The following NEDD4L variants were observed in gnomAD, a reference collection of about 807,000 sequenced individuals.
NEDD4L encodes NEDD4 like E3 ubiquitin protein ligase.
NEDD4L carries 54 observed loss-of-function variants against 148.9 expected under a neutral mutation model. The ratio of observed to expected loss-of-function variants is 0.36; its 90% CI spans 0.29 to 0.45. The LOEUF (loss-of-function observed/expected upper bound fraction) is 0.45, where lower values mean the gene tolerates loss of function less well. NEDD4L is among the 20% of genes least tolerant of loss of function. The probability of loss-of-function intolerance (pLI) is 1.00; values close to 1 mark genes in which losing one functional copy is unlikely to be tolerated. For synonymous variants in NEDD4L, 433 were observed against 440.7 expected, an observed-to-expected ratio of 0.98 and a Z score of 0.22; for missense variants, 856 against 1,233.8, an observed-to-expected ratio of 0.69 and a Z score of 4.59.
Position 58,044,717 on chromosome 18 carries a change from C to T in NEDD4L, c.48+9C>T. ...GACTTTCCGAAGACGAGGTGAGTGG[C>T]ACCCCCTTCCTGCTCGGGACTCCCC... On this transcript the variant is annotated intron_variant, in intron 1 of 30. Transcript: ENST00000400345. 3.7e-6 allele frequency: 6 copies of T among 1,604,736 alleles called. No individual in the cohort carries two copies. Among genetic ancestry groups the T allele is most frequent in the Non-Finnish European group, 5.1e-6 (6 of 1,175,688 alleles).
chr18:58,218,668 C>G (rs905652381), intron 2 of NEDD4L, among the ~76,000 whole-genome samples: 4 of 152,154 alleles, frequency 2.6e-5, no homozygotes, highest in African/African-American at 9.7e-5. Context: ...TTCATCAAAT[C>G]CAGACACATC....
chr18:58,327,894 G>A (rs1396967080), intron 9 of NEDD4L, among the ~76,000 whole-genome samples: 1 of 151,346 alleles, frequency 6.6e-6, no homozygotes, highest in Non-Finnish European at 1.5e-5. Context: ...CCTCTGACTA[G>A]TATTTCCCCC....
chr18:58,240,802 C>T (rs964943882), intron 2 of NEDD4L, among the ~76,000 whole-genome samples: 1 of 137,734 alleles, frequency 7.3e-6, no homozygotes, highest in Non-Finnish European at 1.6e-5. Context: ...AGGATGATGG[C>T]GGCAGCTAAC....
At chr18:58,311,217 A>T (rs575191541) in intron 5 of NEDD4L, among the ~76,000 whole-genome samples, 56 of 152,344 alleles carry the variant, frequency 3.7e-4, no homozygotes, top group African/African-American at 1.3e-3. Flanking sequence ...AAAATAGCAC[A>T]TACCTGTGTT....
intron 2 of NEDD4L, among the ~76,000 whole-genome samples, chr18:58,201,276 T>C (rs2041374789): frequency 1.3e-5 from 2 of 151,788 alleles, no homozygotes; most frequent in Non-Finnish European, 2.9e-5. Context: ...GAGGTTGCAG[T>C]GAGCCGAGAT....
intron 5 of NEDD4L, among the ~76,000 whole-genome samples, chr18:58,257,181 A>T: frequency 6.6e-6 from 1 of 152,202 alleles, no homozygotes; most frequent in East Asian, 1.9e-4. Flanking sequence ...ACAATACTTT[A>T]AAAATAATCA....
intron 1 of NEDD4L, among the ~76,000 whole-genome samples, chr18:58,073,260 C>T (rs1741619960): frequency 6.6e-6 from 1 of 151,740 alleles, no homozygotes; most frequent in African/African-American, 2.4e-5. Flanking sequence ...TTAAAAATCA[C>T]ATGGAAATGT....
At chr18:58,060,819 C>T (rs188217145) in intron 1 of NEDD4L, among the ~76,000 whole-genome samples, 132 of 152,118 alleles carry the variant, frequency 8.7e-4, no homozygotes, top group African/African-American at 2.8e-3. Context: ...AGTGCAATGG[C>T]GTGATCTCAG....
intron 1 of NEDD4L, among the ~76,000 whole-genome samples, chr18:58,122,731 TTTTTTC>T (rs1241091850): frequency 1.3e-5 from 2 of 152,104 alleles, no homozygotes; most frequent in Admixed American, 6.5e-5. Context: ...ATTTTTTTTC[TTTTTTC>T]TTTTTCTTTT....
intron 1 of NEDD4L, among the ~76,000 whole-genome samples, chr18:58,077,306 A>G (rs2083221016): frequency 6.6e-6 from 1 of 151,290 alleles, no homozygotes; most frequent in Non-Finnish European, 1.5e-5. Context: ...AGCTGGAGCT[A>G]CAGGCATGTA....
chr18:58,188,871 T>G (rs1359569406), intron 2 of NEDD4L, among the ~76,000 whole-genome samples: 1 of 152,216 alleles, frequency 6.6e-6, no homozygotes, highest in Non-Finnish European at 1.5e-5. Context: ...GTCTTCCAGT[T>G]AGTCTGTGTG....
In NEDD4L at chr18:58,202,603, C is replaced by T. The variant is rs1297858844; in HGVS notation, c.122+36742C>T. Among the ~76,000 whole-genome samples the T allele has an allele frequency of 3.3e-5, 5 of 152,236 alleles. 1 individual carries two copies. ...TTCAACACGTGGATTTGCACTTCCT[C>T]CTGGTGCGCTCCTCCAGCCTGCCTG... On this transcript the variant is annotated intron_variant, in intron 2 of 30. Coordinates refer to ENST00000400345, the MANE Select transcript of NEDD4L (RefSeq NM_001144967.3).
intron 20 of NEDD4L, among the ~76,000 whole-genome samples, chr18:58,364,915 A>G (rs1384587181): frequency 6.6e-6 from 1 of 152,220 alleles, no homozygotes; most frequent in Admixed American, 6.5e-5. Flanking sequence ...ATGACACACC[A>G]TCCCCAAATT....
At chr18:58,273,661 G>A (rs1600537915) in intron 5 of NEDD4L, among the ~76,000 whole-genome samples, 2 of 152,188 alleles carry the variant, frequency 1.3e-5, no homozygotes, top group Admixed American at 6.5e-5. Context: ...TGCAGACACC[G>A]TGTCATTGTT....
chr18:58,126,273 A>G (rs778774145), intron 1 of NEDD4L, among the ~76,000 whole-genome samples: 35 of 152,360 alleles, frequency 2.3e-4, no homozygotes, highest in Non-Finnish European at 3.8e-4. Context: ...GAAACCTTGT[A>G]TCCTTTAGCT....
intron 1 of NEDD4L, among the ~76,000 whole-genome samples, chr18:58,067,705 G>A (rs568206729): frequency 6.6e-6 from 1 of 152,316 alleles, no homozygotes; most frequent in African/African-American, 2.4e-5. Context: ...TATGATTTGT[G>A]TCCCAGTGGA....
At chr18:58,055,951 C>T (rs755804343) in intron 1 of NEDD4L, among the ~76,000 whole-genome samples, 9 of 152,098 alleles carry the variant, frequency 5.9e-5, no homozygotes, top group Non-Finnish European at 8.8e-5. Context: ...TTTTCATGAC[C>T]GTATAAGGTG....
intron 2 of NEDD4L, among the ~76,000 whole-genome samples, chr18:58,215,582 G>T (rs973329206): frequency 1.3e-5 from 2 of 152,060 alleles, no homozygotes; most frequent in Middle Eastern, 3.4e-3. Context: ...TTAACATTGT[G>T]TTTTTAAGTG....
At position 58,203,697 on chromosome 18, in the gene NEDD4L, A is replaced by AT. The variant is rs11364817; in HGVS notation, c.122+37850dup. On this transcript the variant is annotated intron_variant, in intron 2 of 30. Coordinates refer to ENST00000400345, the MANE Select transcript of NEDD4L (RefSeq NM_001144967.3). ...CCATGACTGGTAAAAACATTTTGCAATTTTTTTTTTTTTTACTTTTTATAT... is the reference window on the plus strand; with the variant it reads ...CCATGACTGGTAAAAACATTTTGCAATTTTTTTTTTTTTTTACTTTTTATAT... Among the ~76,000 whole-genome samples the AT allele has an allele frequency of 2.2e-3, 315 of 146,326 alleles. 1 individual carries two copies. The highest frequency in any genetic ancestry group is 4.2e-3 in the African/African-American group (169 of 40,002).
Sources: allele counts gnomAD v4.1 joint callset (sites outside exome capture counted in the v4.1 genomes callset), GRCh38; gene constraint gnomAD v4.1.1; transcripts MANE v1.5; gene names NCBI Gene and HGNC (gene_info 2026-07-23, HGNC 2026-07-21).